The following RGS6 variants were observed in gnomAD, a reference collection of about 807,000 sequenced individuals.
RGS6 encodes regulator of G-protein signaling 6.
A neutral mutation model predicts 78.5 loss-of-function variants in RGS6; 30 were observed. The observed-to-expected ratio is 0.38, with a 90% CI of 0.29 to 0.52. The LOEUF is 0.52. Among genes scored for constraint, RGS6 ranks in the 20% least tolerant of loss-of-function variants. The pLI is 0.85. For synonymous variants in RGS6, 206 were observed against 206.0 expected (o/e 1.00, Z 0.00); for missense variants, 495 against 609.7 (o/e 0.81, Z 1.98).
At chr14:72,262,316 G>C (rs2058309313) in intron 2 of RGS6, among the ~76,000 whole-genome samples, 1 of 152,198 alleles carries the variant, frequency 6.6e-6, no homozygotes, top group Admixed American at 6.5e-5. Flanking sequence ...CACAGTTCTG[G>C]AGGCTGGAAA....
At chr14:72,304,121 C>T (rs894236049) in intron 2 of RGS6, among the ~76,000 whole-genome samples, 7 of 152,170 alleles carry the variant, frequency 4.6e-5, no homozygotes, top group African/African-American at 9.7e-5. Flanking sequence ...ACTACATAGC[C>T]GGCCTCCCAC....
At chr14:72,370,209 C>T (rs4903013) in intron 3 of RGS6, among the ~76,000 whole-genome samples, 85,545 of 151,618 alleles carry the variant, frequency 0.56, 25,757 homozygotes, top group African/African-American at 0.78. Context: ...TAAAGAGTTA[C>T]TGGGCCAAGA....
chr14:72,383,955 C>T (rs1223614463), intron 3 of RGS6, among the ~76,000 whole-genome samples: 1 of 152,206 alleles, frequency 6.6e-6, no homozygotes, highest in African/African-American at 2.4e-5. Context: ...TGAATTGCTA[C>T]AGTTACTTTT....
intron 17 of RGS6, chr14:72,550,571 T>A: frequency 6.5e-7 from 1 of 1,535,534 alleles, no homozygotes; most frequent in African/African-American, 1.4e-5. Flanking sequence ...TGTAATCTTC[T>A]GCAGCAAAAG....
the RGS6 span, among the ~76,000 whole-genome samples, chr14:72,581,108 G>C: frequency 6.6e-6 from 1 of 152,144 alleles, no homozygotes; most frequent in Non-Finnish European, 1.5e-5. Flanking sequence ...ATGTCTAGGG[G>C]CAGCCTCTTG....
intron 3 of RGS6, among the ~76,000 whole-genome samples, chr14:72,453,565 G>A (rs910111684): frequency 2.3e-5 from 3 of 129,110 alleles, no homozygotes; most frequent in African/African-American, 6.0e-5. Flanking sequence ...GCAGTGAGCC[G>A]AGATCCCGCC....
At position 72,496,209 on chromosome 14, in the gene RGS6, T is replaced by C. The variant is rs140303763; in HGVS notation, c.965+947T>C. ...ACCTTCCAGAAAGAACCTTTGTTTA[T>C]AGTCTAATGCTGTGGTTCCCAGAGT... On this transcript the variant is annotated intron_variant, in intron 13 of 17. Transcript: ENST00000553525. Among the ~76,000 whole-genome samples the C allele has an allele frequency of 2.8e-4, 35 of 125,138 alleles. No individual in the cohort carries two copies. In the East Asian group the frequency reaches 9.0e-3, roughly 32 times the overall value. The allele number at this position is 125,138 out of a possible 152,430, so 82.1% of individuals were successfully genotyped here.
chr14:71,883,590 G>A, the RGS6 span, among the ~76,000 whole-genome samples: 1 of 152,152 alleles, frequency 6.6e-6, no homozygotes, highest in Non-Finnish European at 1.5e-5. Context: ...ATTCCCAAGA[G>A]GTGAGGCATT....
the RGS6 span, among the ~76,000 whole-genome samples, chr14:71,890,327 T>C: frequency 6.7e-6 from 1 of 148,206 alleles, no homozygotes; most frequent in Non-Finnish European, 1.5e-5. Flanking sequence ...GGCTCTTAGA[T>C]AGTTTGCTGT....
At chr14:72,013,884 T>C (rs1174437977) in intron 2 of RGS6, among the ~76,000 whole-genome samples, 1 of 152,244 alleles carries the variant, frequency 6.6e-6, no homozygotes. Flanking sequence ...CCTTACTCCG[T>C]GCTGGTCGTG....
chr14:72,583,205 G>C, the RGS6 span, among the ~76,000 whole-genome samples: 1 of 152,120 alleles, frequency 6.6e-6, no homozygotes, highest in Non-Finnish European at 1.5e-5. Context: ...TCAGGCCTTT[G>C]GACTTGAATA....
chr14:72,013,264 C>G (rs2086193993), intron 2 of RGS6, among the ~76,000 whole-genome samples: 1 of 106,956 alleles, frequency 9.3e-6, no homozygotes, highest in Non-Finnish European at 1.8e-5. Flanking sequence ...GAACAAGACT[C>G]CGTCTCCAAA....
the RGS6 span, among the ~76,000 whole-genome samples, chr14:71,901,781 A>T: frequency 1.1e-4 from 17 of 152,116 alleles, no homozygotes; most frequent in Non-Finnish European, 2.4e-4. Flanking sequence ...TTGCTAATAG[A>T]AATCTAATTT....
At chr14:71,973,556 AC>A (rs1381938153) in intron 2 of RGS6, among the ~76,000 whole-genome samples, 1 of 152,136 alleles carries the variant, frequency 6.6e-6, no homozygotes, top group Non-Finnish European at 1.5e-5. Context: ...ATGGTGGCAC[AC>A]GCCTGTAATC....
intron 1 of RGS6, among the ~76,000 whole-genome samples, chr14:71,946,801 C>T (rs980079743): frequency 6.6e-6 from 1 of 152,128 alleles, no homozygotes; most frequent in African/African-American, 2.4e-5. Flanking sequence ...TTTAATACCC[C>T]CCATACAGAG....
At chr14:72,382,374 A>C (rs1156516513) in intron 3 of RGS6, among the ~76,000 whole-genome samples, 1 of 152,228 alleles carries the variant, frequency 6.6e-6, no homozygotes, top group Non-Finnish European at 1.5e-5. Flanking sequence ...TGAAAATGCA[A>C]ATTAATTAAA....
At chr14:72,408,657 T>C (rs1028872556) in intron 3 of RGS6, among the ~76,000 whole-genome samples, 1 of 152,212 alleles carries the variant, frequency 6.6e-6, no homozygotes, top group Non-Finnish European at 1.5e-5. Context: ...AGAGTATATA[T>C]TGAATCAATT....
the RGS6 span, among the ~76,000 whole-genome samples, chr14:72,579,797 T>C: frequency 6.6e-6 from 1 of 152,316 alleles, no homozygotes; most frequent in East Asian, 1.9e-4. Flanking sequence ...TGGCAGCATA[T>C]AATAAGGTGC....
intron 2 of RGS6, among the ~76,000 whole-genome samples, chr14:72,027,424 T>C (rs780551930): frequency 6.6e-6 from 1 of 152,142 alleles, no homozygotes; most frequent in South Asian, 2.1e-4. Context: ...ATCCTGTAGA[T>C]CTAGAAGAAT....
Sources: gnomAD v4.1 joint callset for allele counts (sites outside exome capture counted in the v4.1 genomes callset) on GRCh38, gnomAD v4.1.1 for gene constraint, MANE v1.5 for transcripts, NCBI Gene and HGNC (gene_info 2026-07-23, HGNC 2026-07-21) for gene names.